TEX9: variants seen among roughly 807,000 people sequenced by gnomAD.
The protein encoded by TEX9 is testis expressed 9.
Under a neutral mutation model 59.6 loss-of-function variants are expected in TEX9, and 74 were observed. The ratio of observed to expected loss-of-function variants is 1.24; its 90% CI spans 1.03 to 1.51. The LOEUF (loss-of-function observed/expected upper bound fraction) is 1.51. Ranked by LOEUF, TEX9 falls within the 40% of genes most tolerant of loss-of-function variation. The probability of loss-of-function intolerance (pLI) is 0.00; values close to 1 mark genes in which losing one functional copy is unlikely to be tolerated. For synonymous variants in TEX9, 186 were observed against 152.2 expected, an observed-to-expected ratio of 1.22 and a Z score of -1.64; for missense variants, 522 against 447.8, an observed-to-expected ratio of 1.17 and a Z score of -1.49.
intron 1 of TEX9, among the ~76,000 whole-genome samples, chr15:56,303,380 G>A (rs1351065185): frequency 6.6e-6 from 1 of 151,940 alleles, no homozygotes; most frequent in Non-Finnish European, 1.5e-5. Flanking sequence ...GAATAGAACT[G>A]GAAATTAATA....
At position 56,365,944 on chromosome 15, in the gene TEX9, T is replaced by C. The variant is rs1176383105; in HGVS notation, c.119+274T>C. On this transcript the variant is annotated intron_variant, in intron 2 of 12. Coordinates refer to ENST00000352903, the Ensembl canonical transcript of TEX9. Reference sequence around the variant, plus strand: ...GTAGCCCAAGTAAACAGCAAGATACTGTTGGAAGTTATTTGGGTAGCAGGA... The same window carrying C: ...GTAGCCCAAGTAAACAGCAAGATACCGTTGGAAGTTATTTGGGTAGCAGGA... The C allele has an allele frequency of 2.4e-6, 3 of 1,233,346 alleles. No individual in the cohort carries two copies. The African/African-American group carries it at 4.7e-5, about 19-fold the overall frequency. The allele number at this position is 1,233,346 out of a possible 1,614,324, so 76.4% of individuals were successfully genotyped here.
At chr15:56,327,845 A>G (rs1303188101) in intron 1 of TEX9, among the ~76,000 whole-genome samples, 2 of 152,096 alleles carry the variant, frequency 1.3e-5, no homozygotes, top group Non-Finnish European at 2.9e-5. Flanking sequence ...CTGAGTTCCA[A>G]CATGCCTCAC....
chr15:56,458,579 A>AC, the TEX9 span, among the ~76,000 whole-genome samples: 1 of 152,088 alleles, frequency 6.6e-6, no homozygotes, highest in Non-Finnish European at 1.5e-5. Flanking sequence ...TCATTTCACT[A>AC]CCCTAAAAAT....
At chr15:56,385,977 C>G (rs562623418) in intron 4 of TEX9, among the ~76,000 whole-genome samples, 1 of 151,940 alleles carries the variant, frequency 6.6e-6, no homozygotes, top group African/African-American at 2.4e-5. Flanking sequence ...AGACATATAT[C>G]CACGAAAAAA....
intron 2 of TEX9, among the ~76,000 whole-genome samples, chr15:56,372,915 G>A (rs931957169): frequency 2.0e-5 from 3 of 151,996 alleles, no homozygotes; most frequent in African/African-American, 4.8e-5. Context: ...CTTTATTTCC[G>A]AGGAAGCTTG....
At chr15:56,344,949 A>G (rs1405258131) in intron 1 of TEX9, among the ~76,000 whole-genome samples, 2 of 149,802 alleles carry the variant, frequency 1.3e-5, no homozygotes, top group African/African-American at 4.9e-5. Flanking sequence ...TATTACCCCA[A>G]CTCAGTCTAC....
chr15:56,296,149 T>G (rs560086984), intron 1 of TEX9, among the ~76,000 whole-genome samples: 1 of 152,340 alleles, frequency 6.6e-6, no homozygotes, highest in East Asian at 1.9e-4. Context: ...CGGCCCAGCT[T>G]ATACAAGCAT....
intron 12 of TEX9, among the ~76,000 whole-genome samples, chr15:56,431,696 A>G (rs1282121496): frequency 5.3e-5 from 8 of 151,996 alleles, no homozygotes; most frequent in Non-Finnish European, 1.0e-4. Context: ...TTTTACTGTC[A>G]TTATTCCTTT....
At chr15:56,376,545 G>C (rs1488057205) in intron 3 of TEX9, among the ~76,000 whole-genome samples, 1 of 152,024 alleles carries the variant, frequency 6.6e-6, no homozygotes, top group African/African-American at 2.4e-5. Context: ...TTTGCCATGT[G>C]TGTGTTTTTC....
At chr15:56,427,721 T>C in exon 11 of TEX9, 1 of 1,490,750 alleles carries the variant, frequency 6.7e-7, no homozygotes, top group South Asian at 1.4e-5. Context: ...AATTAATTGA[T>C]GTTTTAAAAA....
intron 4 of TEX9, among the ~76,000 whole-genome samples, chr15:56,385,644 C>A (rs887788250): frequency 4.0e-5 from 6 of 151,794 alleles, no homozygotes; most frequent in Non-Finnish European, 8.8e-5. Context: ...GTAGAACTGG[C>A]TGAAATTAAA....
intron 3 of TEX9, among the ~76,000 whole-genome samples, chr15:56,375,018 A>C (rs2047368969): frequency 6.6e-6 from 1 of 152,206 alleles, no homozygotes; most frequent in African/African-American, 2.4e-5. Flanking sequence ...ATGGAAGTGC[A>C]GATATCTCTT....
At chr15:56,300,708 G>GGAGAGAGAGAGAGAGAGAGAGAGAGAGA (rs60361737) in intron 1 of TEX9, among the ~76,000 whole-genome samples, 3 of 102,670 alleles carry the variant, frequency 2.9e-5, no homozygotes, top group African/African-American at 1.2e-4. Flanking sequence ...AGAGAGAGAG[G>GGAGAGAGAGAGAGAGAGAGAGAGAGAGA]GAGAGAGAGA....
chr15:56,332,691 C>A (rs2046176072), intron 1 of TEX9, among the ~76,000 whole-genome samples: 2 of 148,880 alleles, frequency 1.3e-5, no homozygotes, highest in African/African-American at 2.5e-5. Flanking sequence ...AAGACCAGAG[C>A]AGAAATAAAT....
intron 1 of TEX9, among the ~76,000 whole-genome samples, chr15:56,311,931 A>T (rs2045629855): frequency 6.7e-6 from 1 of 148,278 alleles, no homozygotes; most frequent in South Asian, 2.2e-4. Context: ...TTTTGGCTGC[A>T]TAAATGTCTT....
intron 1 of TEX9, among the ~76,000 whole-genome samples, chr15:56,245,837 T>TTA (rs2043839443): frequency 6.6e-6 from 1 of 152,212 alleles, no homozygotes; most frequent in Non-Finnish European, 1.5e-5. Flanking sequence ...GAAACTGGAA[T>TTA]TACGCTGAAA....
At chr15:56,290,254 C>G (rs1232619697) in intron 1 of TEX9, among the ~76,000 whole-genome samples, 1 of 152,164 alleles carries the variant, frequency 6.6e-6, no homozygotes, top group Non-Finnish European at 1.5e-5. Context: ...ACTCACATCT[C>G]TCTCTCTCAG....
intron 1 of TEX9, among the ~76,000 whole-genome samples, chr15:56,315,034 C>A (rs1305614996): frequency 6.6e-6 from 1 of 151,060 alleles, no homozygotes; most frequent in African/African-American, 2.4e-5. Flanking sequence ...TATTTTGAGC[C>A]TATGTGTGTC....
In TEX9 at chr15:56,429,847, A is replaced by C. The variant is rs1220529500; in HGVS notation, c.*29+1374A>C. 3 of 152,302 alleles carry C rather than the reference A, an allele frequency of 2.0e-5. No homozygotes were observed. In the East Asian group the frequency reaches 5.8e-4, roughly 29 times the overall value. The allele number at this position is 152,302 out of a possible 1,614,324, so 9.4% of individuals were successfully genotyped here. ...AGGATAAAGGTCATTTTTGGATATC[A>C]AGTTTATTAATCCCTCCTGCTGCCT... On this transcript the variant is annotated intron_variant, in intron 12 of 12. Coordinates refer to ENST00000352903, the Ensembl canonical transcript of TEX9.
Sources: allele counts gnomAD v4.1 joint callset (sites outside exome capture counted in the v4.1 genomes callset), GRCh38; gene constraint gnomAD v4.1.1; transcripts MANE v1.5; gene names NCBI Gene and HGNC (gene_info 2026-07-23, HGNC 2026-07-21).